The following ABCB1 variants were observed in gnomAD, a reference collection of about 807,000 sequenced individuals.
ABCB1 encodes ATP-dependent translocase ABCB1.
ABCB1 carries 69 observed loss-of-function variants against 142.0 expected under a neutral mutation model. The ratio of observed to expected loss-of-function variants is 0.49; its 90% CI spans 0.40 to 0.59. The LOEUF is 0.59. Among genes scored for constraint, ABCB1 ranks in the 20% least tolerant of loss-of-function variants. The pLI is 0.00. For missense variants in ABCB1, 1,326 were observed against 1,554.7 expected (o/e 0.85, Z 2.47); for synonymous variants, 532 against 539.2 (o/e 0.99, Z 0.18).
At chr7:87,630,061 T>A (rs1347412129) in intron 1 of ABCB1, among the ~76,000 whole-genome samples, 1 of 152,194 alleles carries the variant, frequency 6.6e-6, no homozygotes, top group Non-Finnish European at 1.5e-5. Flanking sequence ...TCTTAGGAAC[T>A]TCTCTGAGCC....
Position 87,626,009 on chromosome 7 carries a change from CAT to C in ABCB1, c.-330-24933_-330-24932del, listed in dbSNP as rs775649461. Among the ~76,000 whole-genome samples, 758 of 112,070 alleles carry C rather than the reference CAT, an allele frequency of 6.8e-3. 24 individuals are homozygous for C. Among genetic ancestry groups the C allele is most frequent in the East Asian group, 0.036 (141 of 3,946 alleles). 73.5% of individuals were successfully genotyped at this position (112,070 alleles called of 152,430 possible). A position where few individuals can be genotyped will look rare whatever the true frequency, so the allele number is the denominator to read the frequency against. ...ATATGTACATATATATGTATATGTACATATATATATATATAGAGAGAGAGAGA... is the reference window on the plus strand; with the variant it reads ...ATATGTACATATATATGTATATGTACATATATATATATAGAGAGAGAGAGA... On this transcript the variant is annotated intron_variant, in intron 1 of 28. Coordinates refer to the ABCB1 transcript ENST00000265724.
intron 1 of ABCB1, among the ~76,000 whole-genome samples, chr7:87,626,091 T>TATATATATTGTCATATATGTGTC (rs1820440186): frequency 5.2e-5 from 5 of 95,816 alleles, no homozygotes; most frequent in Non-Finnish European, 9.4e-5. Context: ...TATATATATA[T>TATATATATTGTCATATATGTGTC]ATATATATTG....
chr7:87,597,595 C>G (rs182534675), intron 2 of ABCB1, among the ~76,000 whole-genome samples: 1 of 151,950 alleles, frequency 6.6e-6, no homozygotes, highest in South Asian at 2.1e-4. Flanking sequence ...GTTAAATCTA[C>G]CTAAATGTTT....
chr7:87,539,242 C>T, intron 19 of ABCB1, 26 bp downstream of exon 19: 1 of 1,609,270 alleles, frequency 6.2e-7, no homozygotes, highest in Non-Finnish European at 8.5e-7. Context: ...CTACACATCC[C>T]AGGGCACAGC....
chr7:87,515,053 A>G (rs943958843), intron 25 of ABCB1, among the ~76,000 whole-genome samples, 178 bp downstream of exon 25: 1 of 152,226 alleles, frequency 6.6e-6, no homozygotes, highest in African/African-American at 2.4e-5. Flanking sequence ...GGGAGCCTGG[A>G]GAAGTTGGCT....
intron 3 of ABCB1, among the ~76,000 whole-genome samples, chr7:87,592,712 T>C (rs747483570): frequency 5.9e-5 from 9 of 152,198 alleles, no homozygotes; most frequent in Non-Finnish European, 1.3e-4. Flanking sequence ...AACACAAGAA[T>C]AACACAAGTT....
chr7:87,626,815 G>A lies in ABCB1; in HGVS notation c.-330-25737C>T, dbSNP rs889817148. Among the ~76,000 whole-genome samples, 17 of 150,532 alleles carry A rather than the reference G, an allele frequency of 1.1e-4. No individual in the cohort carries two copies. The East Asian group carries it at 3.1e-3, about 28-fold the overall frequency. On this transcript the variant is annotated intron_variant, in intron 1 of 28. Transcript: ENST00000265724. Reference sequence around the variant, plus strand: ...GAGAGAGATGGAGTCTCACTCTGTCGCCCAGGCTGGAGTGCACTGGCGCAG... The same window carrying A: ...GAGAGAGATGGAGTCTCACTCTGTCACCCAGGCTGGAGTGCACTGGCGCAG...
At chr7:87,710,257 GTTATATC>G (rs1485732614) in intron 1 of ABCB1, among the ~76,000 whole-genome samples, 2 of 152,076 alleles carry the variant, frequency 1.3e-5, no homozygotes, top group African/African-American at 2.4e-5. Flanking sequence ...GAAGTAGAGA[GTTATATC>G]TTATATAATT....
chr7:87,667,662 A>G (rs1247931741), intron 1 of ABCB1, among the ~76,000 whole-genome samples: 1 of 152,144 alleles, frequency 6.6e-6, no homozygotes, highest in South Asian at 2.1e-4. Flanking sequence ...ATGTTCCTTC[A>G]ATACCTAGTT....
intron 1 of ABCB1, among the ~76,000 whole-genome samples, chr7:87,648,184 C>CAAAA (rs138383809): frequency 1.1e-4 from 7 of 65,182 alleles, no homozygotes; most frequent in South Asian, 5.6e-4. Context: ...GACTCTGTCT[C>CAAAA]AAAAAAAAAA....
intron 1 of ABCB1, among the ~76,000 whole-genome samples, chr7:87,661,051 C>T (rs988263919): frequency 2.6e-5 from 4 of 151,726 alleles, no homozygotes; most frequent in Admixed American, 2.6e-4. Context: ...ATGTTATTTA[C>T]ATTTTTTGGC....
At chr7:87,536,832 G>C (rs562656049) in intron 19 of ABCB1, among the ~76,000 whole-genome samples, 1 of 152,168 alleles carries the variant, frequency 6.6e-6, no homozygotes, top group Non-Finnish European at 1.5e-5. Context: ...TTAGATTCTA[G>C]AGATGGAAGG....
Position 87,585,934 on chromosome 7 carries a change from G to A in ABCB1, c.118-254C>T, listed in dbSNP as rs866898202. On this transcript the variant is annotated intron_variant, in intron 3 of 27. Coordinates refer to ENST00000622132, the MANE Select transcript of ABCB1 (RefSeq NM_001348946.2). Reference sequence around the variant, plus strand: ...TCTGTCTTCTTATATGAAGTCTAATGAGAAGGATGGGACATTCTGGGAAAC... The same window carrying A: ...TCTGTCTTCTTATATGAAGTCTAATAAGAAGGATGGGACATTCTGGGAAAC... Among the ~76,000 whole-genome samples, 8 of 152,290 alleles carry A rather than the reference G, an allele frequency of 5.3e-5. 1 individual carries two copies. Among genetic ancestry groups the A allele is most frequent in the Non-Finnish European group, 8.8e-5 (6 of 68,020 alleles).
chr7:87,619,305 C>G (rs999829047), intron 1 of ABCB1, among the ~76,000 whole-genome samples: 2 of 152,032 alleles, frequency 1.3e-5, no homozygotes, highest in African/African-American at 4.8e-5. Flanking sequence ...TTTGGGAGGC[C>G]AAGTGGGCAG....
At chr7:87,646,796 G>T (rs188437903) in intron 1 of ABCB1, among the ~76,000 whole-genome samples, 3 of 152,274 alleles carry the variant, frequency 2.0e-5, no homozygotes, top group Admixed American at 1.3e-4. Flanking sequence ...GGAAATAAAA[G>T]TTTTCAAGTC....
At chr7:87,686,461 G>T (rs1827468027) in intron 1 of ABCB1, among the ~76,000 whole-genome samples, 1 of 152,128 alleles carries the variant, frequency 6.6e-6, no homozygotes, top group African/African-American at 2.4e-5. Context: ...GAAAATTACA[G>T]TTCTTTAAAA....
chr7:87,504,061 C>A lies in ABCB1; in HGVS notation c.*182G>T. 1 of 679,760 alleles carries A rather than the reference C, an allele frequency of 1.5e-6. No homozygotes were observed. 42.1% of individuals were successfully genotyped at this position (679,760 alleles called of 1,614,324 possible). On this transcript the variant is annotated 3_prime_UTR_variant, in exon 28 of 28. Coordinates refer to ENST00000622132, the MANE Select transcript of ABCB1 (RefSeq NM_001348946.2). ...TGCAGTTTAAACTATGATTTCTCTC[C>A]ACTTGATGATGTCTCTCACTCTGTT...
chr7:87,544,962 T>A lies in ABCB1; in HGVS notation c.1925A>T (p.Asp642Val), dbSNP rs201352373. ...GGCATCAATTTCACTTTTGGATTCA[T>A]CAGCTGCATTTTCTAATTCAACTTC... ...GNEVELENAA[D>V]ESKSEIDALE... The change falls in exon 16 of 28, where the codon GAT (aspartate) becomes GTT (valine). Residue 642 changes from aspartate to valine, a missense_variant. By Grantham distance (152) the Asp-to-Val change is radical. Transcript: ENST00000622132. 1.4e-5 allele frequency: 23 copies of A among 1,614,086 alleles called. No homozygotes were observed. The highest frequency in any genetic ancestry group is 1.9e-5 in the Non-Finnish European group (22 of 1,179,988).
intron 1 of ABCB1, among the ~76,000 whole-genome samples, chr7:87,661,172 GA>G (rs1406325190): frequency 2.0e-5 from 3 of 151,722 alleles, no homozygotes; most frequent in Admixed American, 2.0e-4. Flanking sequence ...GGGTACATGA[GA>G]TTTTTTTACA....
Sources: allele counts gnomAD v4.1 joint callset (sites outside exome capture counted in the v4.1 genomes callset), GRCh38; gene constraint gnomAD v4.1.1; transcripts MANE v1.5; gene names NCBI Gene and HGNC (gene_info 2026-07-23, HGNC 2026-07-21).